Variants in SLC22A8 observed in about 807,000 individuals in gnomAD.
The protein encoded by SLC22A8 is organic anion transporter 3.
Under a neutral mutation model 48.4 loss-of-function variants are expected in SLC22A8, and 40 were observed. The observed-to-expected ratio is 0.83, with a 90% CI of 0.64 to 1.08. The LOEUF (loss-of-function observed/expected upper bound fraction) is 1.08, where lower values mean the gene tolerates loss of function less well. SLC22A8 is among the 50% of genes least tolerant of loss of function. SLC22A8 has a pLI of 0.00. For synonymous variants in SLC22A8, 268 were observed against 286.3 expected, an observed-to-expected ratio of 0.94 and a Z score of 0.65; for missense variants, 606 against 699.0, an observed-to-expected ratio of 0.87 and a Z score of 1.50.
intron 3 of SLC22A8, 37 bp downstream of exon 3, chr11:63,000,683 G>C: frequency 1.4e-6 from 2 of 1,445,474 alleles, no homozygotes; most frequent in Non-Finnish European, 1.9e-6. Flanking sequence ...TTGTCCCCAT[G>C]GGTCATGCTT....
intron 2 of SLC22A8, among the ~76,000 whole-genome samples, chr11:63,009,903 A>C (rs2086598824): frequency 6.6e-6 from 1 of 151,862 alleles, no homozygotes; most frequent in Non-Finnish European, 1.5e-5. Context: ...ACTGTGGGGG[A>C]GGAGCTGGAT....
intron 5 of SLC22A8, among the ~76,000 whole-genome samples, chr11:62,997,418 G>A (rs2086435686): frequency 6.6e-6 from 1 of 151,958 alleles, no homozygotes; most frequent in African/African-American, 2.4e-5. Context: ...TAGAGACGGG[G>A]TTTCACTGTG....
At position 63,013,122 on chromosome 11, in the gene SLC22A8, G is replaced by A. The variant is rs1462523461; in HGVS notation, c.333+1504C>T. On this transcript the variant is annotated intron_variant, in intron 2 of 10. Transcript: ENST00000336232. ...TACAAACTATCTTACAGTGTGTTCA[G>A]GAAGGTTAAAAGTGTTAATATCTGT... is the stretch of plus-strand genomic sequence containing the variant. Among the ~76,000 whole-genome samples the A allele has an allele frequency of 2.6e-5, 4 of 152,106 alleles. No homozygotes were observed. In the East Asian group the frequency reaches 7.7e-4, roughly 29 times the overall value.
chr11:63,008,706 G>T (rs1042115506), intron 2 of SLC22A8, among the ~76,000 whole-genome samples: 5 of 152,146 alleles, frequency 3.3e-5, no homozygotes, highest in African/African-American at 9.7e-5. Context: ...TTAAGTCATT[G>T]TAAGGCCTGT....
At chr11:62,996,001 C>T (rs768247565) in intron 6 of SLC22A8, 28 bp downstream of exon 6, 1 of 1,614,072 alleles carries the variant, frequency 6.2e-7, no homozygotes, top group South Asian at 1.1e-5. Context: ...AGGGGTTCTG[C>T]TCCCAGACTA....
chr11:63,002,299 G>C (rs2086504969), intron 2 of SLC22A8, among the ~76,000 whole-genome samples: 1 of 152,086 alleles, frequency 6.6e-6, no homozygotes, highest in Non-Finnish European at 1.5e-5. Flanking sequence ...GTGGTGTTTT[G>C]ATATATGTAT....
rs1040938946 is a variant in SLC22A8, at chr11:62,998,101, G to A, written c.761+820C>T. ...TGAGTAGCTGGGATTACAGGCATGC[G>A]CCACCATGCACGGCTAATTTTTGTA... On this transcript the variant is annotated intron_variant, in intron 5 of 10. Transcript: ENST00000336232. Among the ~76,000 whole-genome samples the A allele has an allele frequency of 2.7e-4, 41 of 152,086 alleles. 3 individuals are homozygous for A. The highest frequency in any genetic ancestry group is 2.6e-3 in the Admixed American group (39 of 15,274).
chr11:63,008,106 G>C (rs2086576434), intron 2 of SLC22A8, among the ~76,000 whole-genome samples: 1 of 152,080 alleles, frequency 6.6e-6, no homozygotes, highest in African/African-American at 2.4e-5. Context: ...TGGGATTGTG[G>C]TCAAGGAGGC....
chr11:62,998,508 A>G (rs1164983429), intron 5 of SLC22A8, among the ~76,000 whole-genome samples: 2 of 151,934 alleles, frequency 1.3e-5, no homozygotes, highest in African/African-American at 4.8e-5. Flanking sequence ...ATCCCCTCCC[A>G]TCTGTCTATT....
intron 4 of SLC22A8, 87 bp from the exon 5 acceptor site, chr11:62,999,176 C>G: frequency 8.6e-7 from 1 of 1,165,640 alleles, no homozygotes. Flanking sequence ...TGCATCCCCA[C>G]GGCTACTGAC....
At chr11:63,013,762 G>A (rs867785481) in intron 2 of SLC22A8, among the ~76,000 whole-genome samples, 19 of 152,248 alleles carry the variant, frequency 1.2e-4, no homozygotes, top group South Asian at 1.0e-3. Context: ...GGAGCATCAC[G>A]TTGGAATCAA....
rs550136153 is a variant in SLC22A8, at chr11:63,001,946, ACAGG to A, written c.334-1127_334-1124del. ...TTAATTAAATTAATTTTTTTTTGAGACAGGGTCTCACTCTGTCACCCAGGCTGAC... is the reference window on the plus strand; with the variant it reads ...TTAATTAAATTAATTTTTTTTTGAGAGTCTCACTCTGTCACCCAGGCTGAC... On this transcript the variant is annotated intron_variant, in intron 2 of 10. Coordinates refer to ENST00000336232, the MANE Select transcript of SLC22A8 (RefSeq NM_004254.4). 2.6e-3 allele frequency among the ~76,000 whole-genome samples: 389 copies of A among 151,930 alleles called. 3 individuals are homozygous for A. Among genetic ancestry groups the A allele is most frequent in the African/African-American group, 8.3e-3 (343 of 41,444 alleles).
At chr11:63,014,548 C>T (rs538245146) in intron 2 of SLC22A8, 78 bp downstream of exon 2, 3 of 1,303,564 alleles carry the variant, frequency 2.3e-6, no homozygotes, top group South Asian at 2.9e-5. Context: ...CAGACCCCAG[C>T]CTCCTCTGCT....
At chr11:62,994,807 T>A (rs906420404) in intron 7 of SLC22A8, 51 bp from the exon 8 acceptor site, 2 of 1,411,004 alleles carry the variant, frequency 1.4e-6, no homozygotes, top group Non-Finnish European at 2.0e-6. Flanking sequence ...CAGAGGCCAC[T>A]CCCCATGCTG....
At chr11:63,012,006 G>C (rs1481913548) in intron 2 of SLC22A8, among the ~76,000 whole-genome samples, 1 of 118,122 alleles carries the variant, frequency 8.5e-6, no homozygotes, top group African/African-American at 3.1e-5. Context: ...TTTTTTTTTT[G>C]AGATGGGGTT....
At chr11:63,009,264 G>C (rs1440208559) in intron 2 of SLC22A8, among the ~76,000 whole-genome samples, 1 of 152,128 alleles carries the variant, frequency 6.6e-6, no homozygotes, top group African/African-American at 2.4e-5. Flanking sequence ...CCAGAGACCC[G>C]GCAGGGGACC....
At chr11:63,008,460 G>T (rs1256724876) in intron 2 of SLC22A8, among the ~76,000 whole-genome samples, 1 of 152,168 alleles carries the variant, frequency 6.6e-6, no homozygotes, top group Non-Finnish European at 1.5e-5. Context: ...GTATCTTGGG[G>T]ACAGTCAAAA....
At chr11:62,999,171 C>T in intron 4 of SLC22A8, 82 bp from the exon 5 acceptor site, 5 of 1,248,966 alleles carry the variant, frequency 4.0e-6, no homozygotes, top group Non-Finnish European at 4.6e-6. Flanking sequence ...GCTTCTGCAT[C>T]CCCACGGCTA....
At chr11:62,994,154 A>G (rs2086379987) in intron 8 of SLC22A8, 1 of 538,234 alleles carries the variant, frequency 1.9e-6, no homozygotes, top group Non-Finnish European at 3.3e-6. Context: ...TTATCAACCA[A>G]CTAACACCCA....
Sources: allele counts gnomAD v4.1 joint callset (sites outside exome capture counted in the v4.1 genomes callset), GRCh38; gene constraint gnomAD v4.1.1; transcripts MANE v1.5; gene names NCBI Gene and HGNC (gene_info 2026-07-23, HGNC 2026-07-21).